The following XDH variants were observed in gnomAD, a reference collection of about 807,000 sequenced individuals.
The protein encoded by XDH is xanthine dehydrogenase, also known as xanthine dehydrogenase/oxidase.
A neutral mutation model predicts 156.1 loss-of-function variants in XDH; 138 were observed. The ratio of observed to expected loss-of-function variants is 0.88; its 90% CI spans 0.77 to 1.02. The LOEUF (loss-of-function observed/expected upper bound fraction) is 1.02, where lower values mean the gene tolerates loss of function less well. Among genes scored for constraint, XDH ranks in the 50% least tolerant of loss-of-function variants. The pLI is 0.00. For synonymous variants in XDH, 669 were observed against 625.7 expected, an observed-to-expected ratio of 1.07 and a Z score of -1.03; for missense variants, 1,849 against 1,684.9, an observed-to-expected ratio of 1.10 and a Z score of -1.71.
Position 31,339,559 on chromosome 2 carries a change from C to T in XDH, c.3704G>A (p.Ser1235Asn). ...PSTYKIPAFG[S>N]IPIEFRVSLL... ...GGACACCCTGAACTCAATGGGGATGCTGCCAAATGCCGGGATCTTGTAGGT... is the reference window on the plus strand; with the variant it reads ...GGACACCCTGAACTCAATGGGGATGTTGCCAAATGCCGGGATCTTGTAGGT... Residue 1235 changes from serine to asparagine, a missense_variant, in exon 34 of 36, where the codon AGC becomes AAC. Coordinates refer to ENST00000379416, the MANE Select transcript of XDH (RefSeq NM_000379.4). 7.4e-6 allele frequency: 12 copies of T among 1,614,222 alleles called. No homozygotes were observed. Among genetic ancestry groups the T allele is most frequent in the South Asian group, 1.1e-5 (1 of 91,084 alleles).
intron 1 of XDH, among the ~76,000 whole-genome samples, chr2:31,406,337 T>C (rs1298029004): frequency 2.0e-5 from 3 of 152,184 alleles, no homozygotes; most frequent in African/African-American, 4.8e-5. Flanking sequence ...TAAAAACTCC[T>C]GGAGGCCTCC....
At chr2:31,406,041 G>T in intron 1 of XDH, 77 bp from the exon 2 acceptor site, 1 of 1,478,706 alleles carries the variant, frequency 6.8e-7, no homozygotes, top group South Asian at 1.1e-5. Context: ...TTCCTTCAGT[G>T]TCTCACTCAA....
In XDH at chr2:31,350,173, G is replaced by A. The variant is rs755596346; in HGVS notation, c.2682C>T (p.Asn894=). Residue 894 remains asparagine (N), a synonymous_variant, in exon 25 of 36, where the codon AAC becomes AAT. Transcript: ENST00000379416. ...TGCACAGCCGCCCAGTGCCCCGGAT[G>A]TTGGGGATTTTATAGCAGTTGTCCA... is the stretch of plus-strand genomic sequence containing the variant. ...FHMDNCYKIP[N]IRGTGRLCKT... The A allele has an allele frequency of 2.5e-6, 4 of 1,614,078 alleles. No individual in the cohort carries two copies. Among genetic ancestry groups the A allele is most frequent in the Non-Finnish European group, 3.4e-6 (4 of 1,180,048 alleles).
chr2:31,379,886 T>C lies in XDH; in HGVS notation c.1223A>G (p.Glu408Gly), dbSNP rs1686383624. 6.2e-7 allele frequency: 1 copy of C among 1,614,162 alleles called. No individual in the cohort carries two copies. The highest frequency in any genetic ancestry group is 1.3e-5 in the African/African-American group (1 of 75,044). ...LSPEEILLSI[E>G]IPYSREGEYF... ...TCTCACCTCCCTGCTGTAGGGGATC[T>C]CTATGGAGAGCAGTATCTCCTCCGG... Residue 408 changes from glutamate (E) to glycine (G), a missense_variant, in exon 13 of 36, where the codon GAG (glutamate) becomes GGG (glycine). Glu to Gly is a moderately conservative substitution (Grantham distance 98). Coordinates refer to ENST00000379416, the MANE Select transcript of XDH (RefSeq NM_000379.4).
chr2:31,369,517 G>T (rs891305110), intron 18 of XDH, among the ~76,000 whole-genome samples: 2 of 152,098 alleles, frequency 1.3e-5, no homozygotes, highest in African/African-American at 4.8e-5. Context: ...TAGTATGCAT[G>T]TCTCTGATAA....
intron 1 of XDH, among the ~76,000 whole-genome samples, chr2:31,410,877 G>A (rs949090284): frequency 1.3e-5 from 2 of 152,174 alleles, no homozygotes; most frequent in Non-Finnish European, 2.9e-5. Context: ...GCTGGGGTTG[G>A]GGAGTTATAA....
chr2:31,398,826 C>A (rs896025021), intron 4 of XDH, 127 bp from the exon 5 acceptor site: 1 of 1,456,798 alleles, frequency 6.9e-7, no homozygotes, highest in East Asian at 2.4e-5. Context: ...GAGTCAAGCC[C>A]CAGTGCCACC....
At chr2:31,359,522 A>G (rs1685718268) in intron 24 of XDH, among the ~76,000 whole-genome samples, 1 of 152,240 alleles carries the variant, frequency 6.6e-6, no homozygotes, top group South Asian at 2.1e-4. Context: ...AAAAAATAAC[A>G]TAATACAAAC....
intron 6 of XDH, chr2:31,389,550 G>A (rs962424029): frequency 3.3e-5 from 5 of 152,202 alleles, no homozygotes; most frequent in African/African-American, 1.2e-4. Context: ...GTGATGTAGG[G>A]AAATGCCCTG....
At chr2:31,343,210 T>C (rs111830531) in intron 31 of XDH, among the ~76,000 whole-genome samples, 3,166 of 149,764 alleles carry the variant, frequency 0.021, 109 homozygotes, top group African/African-American at 0.074. Context: ...AATAGGAATT[T>C]ATGAGAAAAT....
At chr2:31,340,122 A>T (rs1435948182) in intron 33 of XDH, among the ~76,000 whole-genome samples, 1 of 152,206 alleles carries the variant, frequency 6.6e-6, no homozygotes, top group African/African-American at 2.4e-5. Context: ...TTCAGCTTAC[A>T]GGTCTCTCCT....
intron 24 of XDH, among the ~76,000 whole-genome samples, chr2:31,353,963 C>G (rs942914958): frequency 6.6e-6 from 1 of 152,136 alleles, no homozygotes; most frequent in Non-Finnish European, 1.5e-5. Context: ...CACTGGAGAA[C>G]ACATTGACTT....
chr2:31,403,180 G>A (rs765584282), intron 2 of XDH, 36 bp from the exon 3 acceptor site: 18 of 1,607,132 alleles, frequency 1.1e-5, no homozygotes, highest in Non-Finnish European at 1.5e-5. Context: ...TGAACTCAGG[G>A]AGAGGAGTCT....
intron 15 of XDH, among the ~76,000 whole-genome samples, chr2:31,375,019 C>CT (rs757150117): frequency 0.01 from 1,051 of 101,086 alleles, 38 homozygotes; most frequent in African/African-American, 0.05. Flanking sequence ...TTCTTTCTTT[C>CT]TTTCTTTTTT....
chr2:31,352,452 C>T (rs1242096820), intron 24 of XDH, among the ~76,000 whole-genome samples: 1 of 152,126 alleles, frequency 6.6e-6, no homozygotes, highest in Non-Finnish European at 1.5e-5. Flanking sequence ...CTTACTCATC[C>T]TAAATGATTT....
chr2:31,393,015 C>T (rs917818952), intron 6 of XDH, among the ~76,000 whole-genome samples: 1 of 152,162 alleles, frequency 6.6e-6, no homozygotes, highest in Admixed American at 6.5e-5. Context: ...TCTATTCATG[C>T]AATTTAAATT....
At chr2:31,373,658 AT>A (rs1400438032) in intron 16 of XDH, among the ~76,000 whole-genome samples, 2 of 152,164 alleles carry the variant, frequency 1.3e-5, no homozygotes, top group Non-Finnish European at 2.9e-5. Flanking sequence ...TAAGAGTTTA[AT>A]CCCAAAGAGA....
chr2:31,411,236 G>A (rs1373174373), intron 1 of XDH, among the ~76,000 whole-genome samples: 8 of 149,490 alleles, frequency 5.4e-5, no homozygotes, highest in African/African-American at 1.5e-4. Context: ...AGCCGAGATC[G>A]CGCCACTGCA....
chr2:31,346,302 A>T (rs567370737), intron 30 of XDH, among the ~76,000 whole-genome samples: 159 of 152,328 alleles, frequency 1.0e-3, no homozygotes, highest in South Asian at 4.1e-3. Context: ...CCCAAATCAC[A>T]GGAATGATAG....
Sources: gnomAD v4.1 joint callset for allele counts (sites outside exome capture counted in the v4.1 genomes callset) on GRCh38, gnomAD v4.1.1 for gene constraint, MANE v1.5 for transcripts, NCBI Gene and HGNC (gene_info 2026-07-23, HGNC 2026-07-21) for gene names.